PTPRT: variants seen among roughly 807,000 people sequenced by gnomAD.
PTPRT encodes protein tyrosine phosphatase receptor type T.
In PTPRT, 56 loss-of-function variants were observed where a neutral mutation model predicts 176.8. The observed-to-expected ratio is 0.32, with a 90% CI of 0.26 to 0.40. The LOEUF (loss-of-function observed/expected upper bound fraction) is 0.40. Ranked by LOEUF, PTPRT falls within the 10% of genes least tolerant of loss-of-function variation. PTPRT has a pLI of 1.00. For missense variants in PTPRT, 1,540 were observed against 1,908.2 expected (o/e 0.81, Z 3.60); for synonymous variants, 783 against 739.0 (o/e 1.06, Z -0.96).
chr20:42,105,274 T>C (rs1055029166), intron 24 of PTPRT, among the ~76,000 whole-genome samples: 2 of 152,200 alleles, frequency 1.3e-5, no homozygotes, highest in African/African-American at 4.8e-5. Context: ...TTTGTTTCCT[T>C]CCCTGCTCTG....
intron 7 of PTPRT, among the ~76,000 whole-genome samples, chr20:42,563,594 C>T (rs2072989441): frequency 6.6e-6 from 1 of 152,100 alleles, no homozygotes; most frequent in Non-Finnish European, 1.5e-5. Flanking sequence ...CTGAAACAAC[C>T]CAAATGCCCA....
At chr20:42,099,552 G>A (rs576953854) in intron 26 of PTPRT, among the ~76,000 whole-genome samples, 2 of 60,270 alleles carry the variant, frequency 3.3e-5, no homozygotes, top group African/African-American at 4.6e-5. Flanking sequence ...TGGGCGGGGG[G>A]GGGGGGGGTG....
intron 11 of PTPRT, 28 bp from the exon 12 acceptor site, chr20:42,316,024 G>C: frequency 6.2e-7 from 1 of 1,608,810 alleles, no homozygotes; most frequent in African/African-American, 1.3e-5. Flanking sequence ...GACACAGATG[G>C]TTGAGCAACT....
At chr20:43,110,278 G>A (rs1298224055) in intron 1 of PTPRT, among the ~76,000 whole-genome samples, 1 of 152,148 alleles carries the variant, frequency 6.6e-6, no homozygotes, top group African/African-American at 2.4e-5. Flanking sequence ...TCTCACCCTG[G>A]AGAGAGGCAA....
chr20:42,054,922 C>T, the PTPRT span, among the ~76,000 whole-genome samples: 1 of 152,132 alleles, frequency 6.6e-6, no homozygotes, highest in Admixed American at 6.5e-5. Flanking sequence ...CCTCCTCTGA[C>T]CCCCTACTGA....
At chr20:42,360,965 T>C (rs2058424014) in intron 9 of PTPRT, among the ~76,000 whole-genome samples, 1 of 152,160 alleles carries the variant, frequency 6.6e-6, no homozygotes, top group Non-Finnish European at 1.5e-5. Context: ...AGAATGAAAA[T>C]GTAACAAATC....
At chr20:42,822,664 C>T (rs2077916595) in intron 2 of PTPRT, among the ~76,000 whole-genome samples, 2 of 152,094 alleles carry the variant, frequency 1.3e-5, no homozygotes, top group Non-Finnish European at 2.9e-5. Flanking sequence ...TGACAAAAAT[C>T]TAATATCCAC....
intron 8 of PTPRT, among the ~76,000 whole-genome samples, chr20:42,470,075 A>G (rs770144088): frequency 5.9e-5 from 9 of 152,240 alleles, no homozygotes; most frequent in Non-Finnish European, 1.0e-4. Flanking sequence ...TTGCCACAGT[A>G]GAGGCTCTGT....
chr20:42,153,933 T>C (rs1989240868), intron 17 of PTPRT, among the ~76,000 whole-genome samples: 1 of 152,232 alleles, frequency 6.6e-6, no homozygotes, highest in Non-Finnish European at 1.5e-5. Context: ...TCTTTCCTGC[T>C]GGAAAACTCT....
rs377675759 is a variant in PTPRT, at chr20:42,908,770, C to T, written c.89-22838G>A. 7.2e-5 allele frequency among the ~76,000 whole-genome samples: 11 copies of T among 152,246 alleles called. No homozygotes were observed. In the East Asian group the frequency reaches 1.7e-3, roughly 24 times the overall value. On this transcript the variant is annotated intron_variant, in intron 1 of 30. Transcript: ENST00000373187. ...AGGGTATTATAAGTGTGATTGTCCA[C>T]TGAGTAATCAAATAGTCTTTGAATT...
intron 17 of PTPRT, among the ~76,000 whole-genome samples, chr20:42,157,599 GC>G (rs1257087585): frequency 6.6e-6 from 1 of 151,788 alleles, no homozygotes; most frequent in African/African-American, 2.4e-5. Flanking sequence ...ACCCACCTCA[GC>G]CTTTCAAAGT....
chr20:42,816,119 A>G (rs1036438615), intron 2 of PTPRT, among the ~76,000 whole-genome samples: 7 of 152,222 alleles, frequency 4.6e-5, no homozygotes, highest in African/African-American at 1.2e-4. Flanking sequence ...ATCTCAGACG[A>G]CAGCCATGAT....
intron 7 of PTPRT, among the ~76,000 whole-genome samples, chr20:42,587,108 G>T (rs1209153634): frequency 6.6e-6 from 1 of 152,298 alleles, no homozygotes; most frequent in East Asian, 1.9e-4. Flanking sequence ...CAGTACAGCT[G>T]CTGGAATCCT....
downstream of PTPRT, among the ~76,000 whole-genome samples, chr20:42,070,777 TTA>T (rs1982288951): frequency 6.6e-6 from 1 of 152,174 alleles, no homozygotes; most frequent in Non-Finnish European, 1.5e-5. Context: ...TTAAATAATT[TTA>T]TATTGAGTCC....
chr20:42,988,144 C>T (rs1346828585), intron 1 of PTPRT, among the ~76,000 whole-genome samples: 2 of 152,148 alleles, frequency 1.3e-5, no homozygotes, highest in Admixed American at 6.5e-5. Flanking sequence ...TGGAGACGGG[C>T]CACTGAAGGC....
chr20:42,717,680 T>A (rs1372680686), intron 6 of PTPRT, among the ~76,000 whole-genome samples: 1 of 152,164 alleles, frequency 6.6e-6, no homozygotes, highest in Non-Finnish European at 1.5e-5. Flanking sequence ...ATCAAAACTG[T>A]TATTCATCAA....
intron 7 of PTPRT, among the ~76,000 whole-genome samples, chr20:42,610,956 TATC>T (rs895019022): frequency 2.6e-5 from 4 of 152,178 alleles, no homozygotes; most frequent in African/African-American, 9.7e-5. Flanking sequence ...TTCTTTCCCT[TATC>T]ATGTTATTTC....
At chr20:42,930,302 G>A (rs573501261) in intron 1 of PTPRT, among the ~76,000 whole-genome samples, 6 of 152,168 alleles carry the variant, frequency 3.9e-5, no homozygotes, top group Admixed American at 3.3e-4. Flanking sequence ...CTGGATCCCT[G>A]CCACTGCAGG....
intron 5 of PTPRT, among the ~76,000 whole-genome samples, chr20:42,759,204 G>A (rs2145416386): frequency 6.6e-6 from 1 of 152,246 alleles, no homozygotes; most frequent in Non-Finnish European, 1.5e-5. Context: ...TGAGGCTTTG[G>A]CTCAATATTT....
Sources: allele counts gnomAD v4.1 joint callset (sites outside exome capture counted in the v4.1 genomes callset), GRCh38; gene constraint gnomAD v4.1.1; transcripts MANE v1.5; gene names NCBI Gene and HGNC (gene_info 2026-07-23, HGNC 2026-07-21).